Variants in CIMAP3 observed in about 807,000 individuals in gnomAD.
CIMAP3 encodes the protein ciliary microtubule associated protein 3, also known as ciliary microtubule-associated protein 3.
chr1:111,343,301 C>T, the CIMAP3 span, among the ~76,000 whole-genome samples: 1 of 152,160 alleles, frequency 6.6e-6, no homozygotes, highest in Non-Finnish European at 1.5e-5. Flanking sequence ...TACTTATCCT[C>T]ATTAAATTAG....
chr1:111,351,240 A>G, the CIMAP3 span: 2 of 1,608,036 alleles, frequency 1.2e-6, no homozygotes, highest in Admixed American at 3.4e-5. Flanking sequence ...TTGATCTAGA[A>G]AACGTTCTTT....
At chr1:111,346,507 A>T in the CIMAP3 span, 71 of 1,263,542 alleles carry the variant, frequency 5.6e-5, no homozygotes, top group Non-Finnish European at 1.3e-5. Context: ...TTCCTGCCCC[A>T]GTAGTGGCTC....
the CIMAP3 span, among the ~76,000 whole-genome samples, chr1:111,344,067 T>C: frequency 6.6e-6 from 1 of 152,232 alleles, no homozygotes. Context: ...CTGTTTCTAC[T>C]CTTTTATTAT....
At chr1:111,341,680 G>A in the CIMAP3 span, among the ~76,000 whole-genome samples, 1 of 152,130 alleles carries the variant, frequency 6.6e-6, no homozygotes, top group Non-Finnish European at 1.5e-5. Context: ...ACTGTTGCAT[G>A]GCAAATTTCC....
the CIMAP3 span, among the ~76,000 whole-genome samples, chr1:111,339,099 A>G: frequency 6.6e-6 from 1 of 152,044 alleles, no homozygotes; most frequent in Non-Finnish European, 1.5e-5. Flanking sequence ...ACCAAAGACA[A>G]AAACCACATG....
At chr1:111,329,543 ATATATATATATATATAAT>A in the CIMAP3 span, among the ~76,000 whole-genome samples, 12 of 97,212 alleles carry the variant, frequency 1.2e-4, no homozygotes, top group African/African-American at 4.7e-4. Flanking sequence ...ATATATATAT[ATATATATATATATATAAT>A]TTTTTTTTTT....
the CIMAP3 span, chr1:111,351,334 G>A: frequency 4.5e-6 from 7 of 1,567,024 alleles, no homozygotes; most frequent in East Asian, 2.3e-5. Flanking sequence ...TTGAGCGGCT[G>A]TAACTACCTT....
chr1:111,330,956 G>A, the CIMAP3 span, among the ~76,000 whole-genome samples: 2 of 152,104 alleles, frequency 1.3e-5, no homozygotes, highest in African/African-American at 4.8e-5. Flanking sequence ...TCTTTACTGG[G>A]AATAATATTC....
chr1:111,336,139 T>C, the CIMAP3 span, among the ~76,000 whole-genome samples: 13 of 152,080 alleles, frequency 8.5e-5, no homozygotes, highest in Non-Finnish European at 1.6e-4. Flanking sequence ...CAGCTGAGGG[T>C]CCTGTCTGTT....
the CIMAP3 span, among the ~76,000 whole-genome samples, chr1:111,343,791 A>G: frequency 3.9e-5 from 6 of 152,214 alleles, no homozygotes; most frequent in Non-Finnish European, 5.9e-5. Flanking sequence ...TGTTGATCAC[A>G]TTGGCAATAT....
the CIMAP3 span, chr1:111,346,552 G>A: frequency 6.3e-7 from 1 of 1,584,246 alleles, no homozygotes; most frequent in Non-Finnish European, 8.6e-7. Context: ...AGGCGCGCTC[G>A]GGCCCTCTCC....
At chr1:111,350,351 C>A in the CIMAP3 span, 1 of 712,534 alleles carries the variant, frequency 1.4e-6, no homozygotes, top group South Asian at 2.0e-5. Context: ...ATTATATGCA[C>A]AATTTTGTGT....
chr1:111,352,637 T>C, the CIMAP3 span: 16 of 152,316 alleles, frequency 1.1e-4, no homozygotes, highest in Non-Finnish European at 2.4e-4. Flanking sequence ...TGATTTCTGT[T>C]ATCAAGAAGT....
chr1:111,351,183 T>C, the CIMAP3 span: 1 of 894,748 alleles, frequency 1.1e-6, no homozygotes, highest in Non-Finnish European at 1.7e-6. Context: ...TTTTTTTTTT[T>C]TTTGCATAAC....
At chr1:111,342,612 G>A in the CIMAP3 span, among the ~76,000 whole-genome samples, 1 of 152,184 alleles carries the variant, frequency 6.6e-6, no homozygotes. Flanking sequence ...TTTCAGGGCT[G>A]GTTAGGTAAT....
the CIMAP3 span, among the ~76,000 whole-genome samples, chr1:111,344,683 G>A: frequency 6.6e-5 from 10 of 152,190 alleles, no homozygotes; most frequent in East Asian, 5.8e-4. Context: ...GAAACTTTGC[G>A]AAATACATTT....
chr1:111,335,862 C>T, the CIMAP3 span, among the ~76,000 whole-genome samples: 1,224 of 152,326 alleles, frequency 8.0e-3, 18 homozygotes, highest in African/African-American at 0.027. Context: ...TCTCCCAGCA[C>T]GCAGCTGGAG....
chr1:111,347,635 T>C, the CIMAP3 span: 2 of 1,215,604 alleles, frequency 1.6e-6, no homozygotes, highest in Non-Finnish European at 2.4e-6. Flanking sequence ...TTTTTTTTTT[T>C]TTGGTGTTTT....
At chr1:111,328,210 A>G in the CIMAP3 span, among the ~76,000 whole-genome samples, 1 of 152,080 alleles carries the variant, frequency 6.6e-6, no homozygotes, top group Non-Finnish European at 1.5e-5. Flanking sequence ...GTGGTTTAAG[A>G]GTGTGTTTGG....
Sources: gnomAD v4.1 joint callset for allele counts (sites outside exome capture counted in the v4.1 genomes callset) on GRCh38, gnomAD v4.1.1 for gene constraint, MANE v1.5 for transcripts, NCBI Gene and HGNC (gene_info 2026-07-23, HGNC 2026-07-21) for gene names.